The following OR1J2 variants were observed in gnomAD, a reference collection of about 807,000 sequenced individuals.
OR1J2 encodes the protein olfactory receptor 1J2.
For synonymous variants in OR1J2, 142 were observed against 99.7 expected (o/e 1.42, Z -2.52); for missense variants, 304 against 246.1 (o/e 1.24, Z -1.57).
the OR1J2 span, among the ~76,000 whole-genome samples, chr9:122,517,627 C>A: frequency 2.6e-5 from 4 of 152,104 alleles, no homozygotes; most frequent in African/African-American, 9.7e-5. Context: ...TTAAAGGGAA[C>A]TTTTCAATTA....
the OR1J2 span, among the ~76,000 whole-genome samples, chr9:122,451,964 C>T: frequency 2.0e-5 from 3 of 152,136 alleles, no homozygotes; most frequent in Non-Finnish European, 2.9e-5. Context: ...CTGCAAGCTC[C>T]GCCTCCCGGG....
chr9:122,498,145 A>G, the OR1J2 span, among the ~76,000 whole-genome samples: 1 of 151,986 alleles, frequency 6.6e-6, no homozygotes, highest in Non-Finnish European at 1.5e-5. Flanking sequence ...AATGAGAAGA[A>G]TGTATATTCT....
At chr9:122,504,366 C>G in the OR1J2 span, among the ~76,000 whole-genome samples, 1 of 152,176 alleles carries the variant, frequency 6.6e-6, no homozygotes, top group Non-Finnish European at 1.5e-5. Context: ...TCAGATGATC[C>G]AATTAGCATG....
At chr9:122,470,405 G>A in the OR1J2 span, among the ~76,000 whole-genome samples, 1 of 152,224 alleles carries the variant, frequency 6.6e-6, no homozygotes, top group African/African-American at 2.4e-5. Context: ...TTGAGGTTGG[G>A]AACCTCTGCC....
chr9:122,455,085 A>G, the OR1J2 span, among the ~76,000 whole-genome samples: 1 of 152,248 alleles, frequency 6.6e-6, no homozygotes, highest in Admixed American at 6.5e-5. Context: ...ATTTCATTAT[A>G]TGAAGATGCC....
chr9:122,530,813 A>G, the OR1J2 span, among the ~76,000 whole-genome samples: 7 of 152,234 alleles, frequency 4.6e-5, no homozygotes, highest in Non-Finnish European at 4.4e-5. Flanking sequence ...AAGGTGCTCA[A>G]TAGGGGAGCT....
At chr9:122,564,658 C>G in the OR1J2 span, among the ~76,000 whole-genome samples, 1 of 152,182 alleles carries the variant, frequency 6.6e-6, no homozygotes, top group South Asian at 2.1e-4. Flanking sequence ...AGCAGTGACT[C>G]CAATTGCAGC....
the OR1J2 span, among the ~76,000 whole-genome samples, chr9:122,490,984 T>G: frequency 6.6e-6 from 1 of 152,044 alleles, no homozygotes; most frequent in African/African-American, 2.4e-5. Context: ...AGAGACTCAT[T>G]AGGAGAAGAT....
At chr9:122,568,260 C>T in the OR1J2 span, 2 of 1,613,886 alleles carry the variant, frequency 1.2e-6, no homozygotes, top group Non-Finnish European at 1.7e-6. Flanking sequence ...TGTTGTAAAG[C>T]AAATATCAGT....
chr9:122,465,725 A>G, the OR1J2 span, among the ~76,000 whole-genome samples: 1 of 152,180 alleles, frequency 6.6e-6, no homozygotes, highest in Non-Finnish European at 1.5e-5. Flanking sequence ...GAGACAAACA[A>G]ATAGTTAAGG....
the OR1J2 span, among the ~76,000 whole-genome samples, chr9:122,525,423 A>T: frequency 6.6e-6 from 1 of 152,352 alleles, no homozygotes; most frequent in African/African-American, 2.4e-5. Context: ...TGGTGATACC[A>T]GATGTAAGAA....
the OR1J2 span, among the ~76,000 whole-genome samples, chr9:122,451,972 G>A: frequency 7.9e-5 from 12 of 152,204 alleles, no homozygotes; most frequent in South Asian, 1.5e-3. Context: ...TCCGCCTCCC[G>A]GGTTCACGCC....
the OR1J2 span, among the ~76,000 whole-genome samples, chr9:122,488,311 G>A: frequency 6.6e-6 from 1 of 151,970 alleles, no homozygotes; most frequent in Admixed American, 6.6e-5. Flanking sequence ...CTAATTTTTT[G>A]TATTTTTAGT....
At chr9:122,456,174 G>A in the OR1J2 span, among the ~76,000 whole-genome samples, 4 of 152,148 alleles carry the variant, frequency 2.6e-5, no homozygotes, top group African/African-American at 4.8e-5. Flanking sequence ...TTTGACTAGG[G>A]AGGAAGAGTC....
At chr9:122,517,467 A>C in the OR1J2 span, among the ~76,000 whole-genome samples, 2 of 152,234 alleles carry the variant, frequency 1.3e-5, no homozygotes, top group Non-Finnish European at 2.9e-5. Flanking sequence ...CAGCTTAAAG[A>C]AGCAAAGAAT....
chr9:122,531,204 A>T, the OR1J2 span, among the ~76,000 whole-genome samples: 2 of 152,090 alleles, frequency 1.3e-5, no homozygotes, highest in South Asian at 4.1e-4. Context: ...AAGGGGTGAT[A>T]TTGTGGGGTT....
chr9:122,513,221 A>G (rs985889103), downstream of OR1J2, among the ~76,000 whole-genome samples: 7 of 152,164 alleles, frequency 4.6e-5, no homozygotes, highest in Non-Finnish European at 1.0e-4. Context: ...GCAAAATGCA[A>G]TATGTTTACT....
chr9:122,502,660 C>T, the OR1J2 span, among the ~76,000 whole-genome samples: 1 of 151,182 alleles, frequency 6.6e-6, no homozygotes, highest in Non-Finnish European at 1.5e-5. Context: ...GGTCAAGTAA[C>T]CTGCCAACAT....
the OR1J2 span, among the ~76,000 whole-genome samples, chr9:122,505,324 CATA>C: frequency 6.6e-6 from 1 of 152,188 alleles, no homozygotes; most frequent in Non-Finnish European, 1.5e-5. Context: ...CAGGGCATCA[CATA>C]ATAAGGGGAC....
Sources: allele counts gnomAD v4.1 joint callset (sites outside exome capture counted in the v4.1 genomes callset), GRCh38; gene constraint gnomAD v4.1.1; transcripts MANE v1.5; gene names NCBI Gene and HGNC (gene_info 2026-07-23, HGNC 2026-07-21).